The following MOB1B variants were observed in gnomAD, a reference collection of about 807,000 sequenced individuals.
The protein encoded by MOB1B is MOB1 Mps One Binder homolog B.
In MOB1B, 19 loss-of-function variants were observed where a neutral mutation model predicts 24.4. The observed-to-expected ratio is 0.78, with a 90% CI of 0.54 to 1.14. The LOEUF is 1.14. Among genes scored for constraint, MOB1B ranks in the 50% most tolerant of loss-of-function variants. The pLI is 0.00. For missense variants in MOB1B, 243 were observed against 259.6 expected (o/e 0.94, Z 0.44); for synonymous variants, 76 against 82.1 (o/e 0.93, Z 0.40).
At chr4:70,927,649 T>C (rs6819580) in intron 1 of MOB1B, among the ~76,000 whole-genome samples, 144,080 of 152,260 alleles carry the variant, frequency 0.95, 68,495 homozygotes, top group Non-Finnish European at 0.99. Flanking sequence ...TTTAGTCAGA[T>C]GCTGTTTTTA....
At position 70,986,057 on chromosome 4, in the gene MOB1B, A is replaced by G. The variant is rs1027426282; in HGVS notation, c.*4000A>G. The G allele has an allele frequency of 1.3e-5, 2 of 152,208 alleles. No individual in the cohort carries two copies. The highest frequency in any genetic ancestry group is 2.9e-5 in the Non-Finnish European group (2 of 68,040). The allele number at this position is 152,208 out of a possible 1,614,324, so 9.4% of individuals were successfully genotyped here. A position where few individuals can be genotyped will look rare whatever the true frequency, so the allele number is the denominator to read the frequency against. On this transcript the variant is annotated 3_prime_UTR_variant, in exon 6 of 6. Coordinates refer to ENST00000309395, the MANE Select transcript of MOB1B (RefSeq NM_173468.4). ...CTTTTTAAAAACATTCAGCTTAATT[A>G]CCTTACCTTAATTACCTTAGTTAGA...
In MOB1B at chr4:70,987,126, G is replaced by A. The variant is rs1000354185; in HGVS notation, c.*5069G>A. ...GGAAAATAATTAGGCTGATTTTGCA[G>A]GTCTTCATTGTTAGAGATTCTGAAG... On this transcript the variant is annotated 3_prime_UTR_variant, in exon 6 of 6. Coordinates refer to ENST00000309395, the MANE Select transcript of MOB1B (RefSeq NM_173468.4). 6.6e-6 allele frequency: 1 copy of A among 152,032 alleles called. No homozygotes were observed. The highest frequency in any genetic ancestry group is 2.4e-5 in the African/African-American group (1 of 41,432). 9.4% of individuals were successfully genotyped at this position (152,032 alleles called of 1,614,324 possible). A position where few individuals can be genotyped will look rare whatever the true frequency, so the allele number is the denominator to read the frequency against.
intron 1 of MOB1B, among the ~76,000 whole-genome samples, chr4:70,908,051 A>T (rs1263264674): frequency 1.4e-5 from 2 of 145,656 alleles, no homozygotes; most frequent in African/African-American, 5.1e-5. Flanking sequence ...TTTGAGATGG[A>T]GTCTCGCTTT....
At chr4:70,918,407 T>C (rs1455232617) in intron 1 of MOB1B, among the ~76,000 whole-genome samples, 1 of 151,476 alleles carries the variant, frequency 6.6e-6, no homozygotes, top group Non-Finnish European at 1.5e-5. Context: ...TGGTATCTCA[T>C]TGTGGTTTTG....
intron 2 of MOB1B, among the ~76,000 whole-genome samples, chr4:70,968,457 A>G (rs534565797): frequency 1.3e-5 from 2 of 152,074 alleles, no homozygotes; most frequent in Non-Finnish European, 2.9e-5. Context: ...GATTACAGGC[A>G]TGCGCCACCA....
chr4:70,907,385 C>T (rs1735791585), intron 1 of MOB1B, among the ~76,000 whole-genome samples: 1 of 151,636 alleles, frequency 6.6e-6, no homozygotes, highest in Non-Finnish European at 1.5e-5. Flanking sequence ...AAGTTTCTAG[C>T]ATTTTTAAAT....
In MOB1B at chr4:70,917,996, A is replaced by C. The variant is rs373753900; in HGVS notation, c.14+15446A>C. Among the ~76,000 whole-genome samples, 49 of 152,356 alleles carry C rather than the reference A, an allele frequency of 3.2e-4. 1 individual carries two copies. The highest frequency in any genetic ancestry group is 1.2e-3 in the African/African-American group (49 of 41,588). ...TTGGTTATTTCTATGGTTTACAATA[A>C]CTTAATAACCAAACTTAGACATTGG... On this transcript the variant is annotated intron_variant, in intron 1 of 5. Coordinates refer to ENST00000309395, the MANE Select transcript of MOB1B (RefSeq NM_173468.4).
chr4:70,937,806 G>A (rs754689314), intron 1 of MOB1B, among the ~76,000 whole-genome samples: 1 of 152,128 alleles, frequency 6.6e-6, no homozygotes, highest in Admixed American at 6.5e-5. Context: ...GATTACAGGC[G>A]TGAGCCACCG....
At chr4:70,913,917 TC>T (rs1251735187) in intron 1 of MOB1B, among the ~76,000 whole-genome samples, 3 of 47,614 alleles carry the variant, frequency 6.3e-5, no homozygotes, top group South Asian at 9.7e-4. Context: ...AGGAATTTAC[TC>T]TTTTTTTTTT....
At position 70,970,019 on chromosome 4, in the gene MOB1B, C is replaced by T. The variant is rs774954007; in HGVS notation, c.270C>T (p.Gly90=). Residue 90 remains glycine (G), a synonymous_variant, in exon 3 of 6, where the codon GGC becomes GGT. Transcript: ENST00000309395. ...AGAGTTGTCCAGTGATGTCAGCTGGCCCAAAGTAAGACATAGTTAATGATC... is the reference window on the plus strand; with the variant it reads ...AGAGTTGTCCAGTGATGTCAGCTGGTCCAAAGTAAGACATAGTTAATGATC... The part of the protein sequence containing the change: ...TEESCPVMSA[G]PKYEYHWADG... The T allele has an allele frequency of 3.9e-6, 6 of 1,553,096 alleles. No homozygotes were observed. Among genetic ancestry groups the T allele is most frequent in the Non-Finnish European group, 5.3e-6 (6 of 1,134,130 alleles).
At chr4:70,953,282 C>T (rs1466434610) in intron 1 of MOB1B, among the ~76,000 whole-genome samples, 2 of 152,056 alleles carry the variant, frequency 1.3e-5, no homozygotes. Flanking sequence ...CATTATTGAC[C>T]ACCACCATTC....
rs925032351 is a variant in MOB1B, at chr4:70,987,564, T to G, written c.*5507T>G. ...TGCATAACCAGGGTGGTGAGGGCAC[T>G]AATCTTGTAGGAAACACTTACTTGA... On this transcript the variant is annotated 3_prime_UTR_variant, in exon 6 of 6. Transcript: ENST00000309395. 1.3e-5 allele frequency: 2 copies of G among 152,166 alleles called. No homozygotes were observed. Among genetic ancestry groups the G allele is most frequent in the African/African-American group, 4.8e-5 (2 of 41,446 alleles). The allele number at this position is 152,166 out of a possible 1,614,324, so 9.4% of individuals were successfully genotyped here.
intron 2 of MOB1B, among the ~76,000 whole-genome samples, chr4:70,969,273 G>C (rs1738660496): frequency 6.6e-6 from 1 of 152,132 alleles, no homozygotes; most frequent in Admixed American, 6.5e-5. Context: ...TGGAACCACA[G>C]GCATGCACCA....
intron 2 of MOB1B, among the ~76,000 whole-genome samples, chr4:70,963,969 A>G (rs1407355314): frequency 1.3e-5 from 2 of 152,248 alleles, no homozygotes; most frequent in Admixed American, 6.5e-5. Flanking sequence ...ACACTAATCC[A>G]AAGAATCCCG....
At chr4:70,904,489 G>A (rs1472185700) in intron 1 of MOB1B, among the ~76,000 whole-genome samples, 3 of 151,874 alleles carry the variant, frequency 2.0e-5, no homozygotes, top group African/African-American at 7.3e-5. Flanking sequence ...GGCCAGTCGC[G>A]GTGGCTCATG....
chr4:70,956,027 A>G (rs1211581941), intron 1 of MOB1B, among the ~76,000 whole-genome samples: 2 of 152,050 alleles, frequency 1.3e-5, no homozygotes, highest in Non-Finnish European at 2.9e-5. Context: ...GTGTACTGCC[A>G]TACCTAACAT....
At chr4:70,947,089 C>G (rs1737615432) in intron 1 of MOB1B, among the ~76,000 whole-genome samples, 1 of 152,064 alleles carries the variant, frequency 6.6e-6, no homozygotes, top group Admixed American at 6.6e-5. Flanking sequence ...AAGTTCTTAG[C>G]CAGTAAGTTA....
At position 70,932,605 on chromosome 4, in the gene MOB1B, A is replaced by G. The variant is rs1166038611; in HGVS notation, c.15-26269A>G. ...TCTAGAGAGGCTGGGAAGTAAATCA[A>G]CTCTCTCACTAAATTGTGGAGTTGC... is the stretch of plus-strand genomic sequence containing the variant. On this transcript the variant is annotated intron_variant, in intron 1 of 5. Coordinates refer to ENST00000309395, the MANE Select transcript of MOB1B (RefSeq NM_173468.4). Among the ~76,000 whole-genome samples the G allele has an allele frequency of 2.6e-5, 4 of 151,964 alleles. No homozygotes were observed. In the East Asian group the frequency reaches 7.7e-4, roughly 29 times the overall value.
Position 70,976,512 on chromosome 4 carries a change from T to C in MOB1B, c.409+1226T>C, listed in dbSNP as rs893053703. ...AAGGGCAGACTTATCAAGTAGAAAT[T>C]GTTTACGTTTAGATAGTCATGTTTT... On this transcript the variant is annotated intron_variant, in intron 4 of 5. Coordinates refer to ENST00000309395, the MANE Select transcript of MOB1B (RefSeq NM_173468.4). The C allele has an allele frequency of 1.2e-5, 12 of 985,204 alleles. No homozygotes were observed. The African/African-American group carries it at 2.1e-4, about 17-fold the overall frequency. The allele number at this position is 985,204 out of a possible 1,614,324, so 61.0% of individuals were successfully genotyped here. A position where few individuals can be genotyped will look rare whatever the true frequency, so the allele number is the denominator to read the frequency against.
Sources: allele counts gnomAD v4.1 joint callset (sites outside exome capture counted in the v4.1 genomes callset), GRCh38; gene constraint gnomAD v4.1.1; transcripts MANE v1.5; gene names NCBI Gene and HGNC (gene_info 2026-07-23, HGNC 2026-07-21).